Variants in LIMCH1 observed in about 807,000 individuals in gnomAD.
The protein encoded by LIMCH1 is LIM and calponin homology domains-containing protein 1.
LIMCH1 carries 113 observed loss-of-function variants against 176.5 expected under a neutral mutation model. That is an observed-to-expected ratio of 0.64 (90% CI 0.55 to 0.75). The LOEUF is 0.75. Among genes scored for constraint, LIMCH1 ranks in the 30% least tolerant of loss-of-function variants. The pLI, the probability that LIMCH1 is intolerant of heterozygous loss-of-function variation, is 0.00. For missense variants in LIMCH1, 1,674 were observed against 1,814.9 expected, an observed-to-expected ratio of 0.92 and a Z score of 1.41; for synonymous variants, 619 against 645.9, an observed-to-expected ratio of 0.96 and a Z score of 0.63.
upstream of LIMCH1, chr4:41,360,695 C>A: frequency 2.4e-6 from 1 of 412,246 alleles, no homozygotes; most frequent in Non-Finnish European, 4.0e-6. The surrounding 1 kb of genome is among the most constrained non-coding windows in gnomAD (Gnocchi z 4.5). Flanking sequence ...CAGCGCGCGG[C>A]TCTCCCGGGA....
intron 1 of LIMCH1, among the ~76,000 whole-genome samples, chr4:41,475,110 T>A (rs1417422607): frequency 6.6e-6 from 1 of 152,212 alleles, no homozygotes; most frequent in Non-Finnish European, 1.5e-5. Flanking sequence ...TTGCTTTTGT[T>A]TTCTATTGCC....
intron 1 of LIMCH1, among the ~76,000 whole-genome samples, chr4:41,439,994 C>T (rs2062533524): frequency 6.6e-6 from 1 of 152,188 alleles, no homozygotes; most frequent in South Asian, 2.1e-4. Context: ...ATTTGTTCTG[C>T]TTCCTTACTG....
intron 1 of LIMCH1, among the ~76,000 whole-genome samples, chr4:41,459,880 A>G (rs984484801): frequency 3.3e-5 from 5 of 152,098 alleles, no homozygotes; most frequent in Admixed American, 3.3e-4. Context: ...TAGAGCATGG[A>G]GGAGAAATGA....
At position 41,549,805 on chromosome 4, in the gene LIMCH1, A is replaced by G. The variant is rs558713820; in HGVS notation, c.-241+11455A>G. ...TAAATTTTTTAAGCATATAAGATAG[A>G]AATTTTGCTAGATTTACTTGAAGAA... is the stretch of plus-strand genomic sequence containing the variant. On this transcript the variant is annotated intron_variant, in intron 1 of 31. Coordinates refer to ENST00000503057, the MANE Select transcript of LIMCH1 (RefSeq NM_001330672.2). Among the ~76,000 whole-genome samples the G allele has an allele frequency of 4.7e-4, 72 of 152,230 alleles. 1 individual carries two copies. In the South Asian group the frequency reaches 0.013, roughly 29 times the overall value.
chr4:41,631,192 A>G lies in LIMCH1; in HGVS notation c.1316A>G (p.Glu439Gly), dbSNP rs1453525915. 9 of 1,535,896 alleles carry G rather than the reference A, an allele frequency of 5.9e-6. No individual in the cohort carries two copies. The highest frequency in any genetic ancestry group is 7.8e-6 in the Non-Finnish European group (9 of 1,146,872). ...QHICASEPSP[E>G]IKAETAIRDD... ...ATCTGTGCTTCTGAGCCTTCCCCAG[A>G]AATTAAAGCAGAAACTGCCATTCGT... The change falls in exon 10 of 32, where the codon GAA becomes GGA. Residue 439 changes from glutamate (E) to glycine (G), a missense_variant. Transcript: ENST00000503057.
chr4:41,613,155 C>G (rs900144398), intron 4 of LIMCH1: 36 of 1,393,434 alleles, frequency 2.6e-5, no homozygotes, highest in Non-Finnish European at 3.5e-5. Context: ...GTTGTGAATC[C>G]AAACTTTGTG....
chr4:41,397,664 A>G (rs961551221), intron 1 of LIMCH1, among the ~76,000 whole-genome samples: 1 of 152,172 alleles, frequency 6.6e-6, no homozygotes, highest in Non-Finnish European at 1.5e-5. Context: ...TACAGAAAAA[A>G]AAAACAAGGT....
intron 1 of LIMCH1, among the ~76,000 whole-genome samples, chr4:41,486,737 G>A (rs1319621537): frequency 6.6e-6 from 1 of 152,032 alleles, no homozygotes; most frequent in African/African-American, 2.4e-5. Context: ...AGTTCTTAGA[G>A]GGGATGGGAG....
At chr4:41,555,320 C>T (rs564453096) in intron 1 of LIMCH1, among the ~76,000 whole-genome samples, 7 of 152,266 alleles carry the variant, frequency 4.6e-5, no homozygotes, top group South Asian at 4.2e-4. Context: ...AAAGAGCATG[C>T]GGTGAATACT....
At chr4:41,385,497 G>A (rs1042533511) in intron 1 of LIMCH1, among the ~76,000 whole-genome samples, 2 of 152,076 alleles carry the variant, frequency 1.3e-5, no homozygotes, top group Admixed American at 6.5e-5. Flanking sequence ...GGTGATTTTT[G>A]GAGGGATATC....
intron 14 of LIMCH1, among the ~76,000 whole-genome samples, chr4:41,642,231 G>A (rs78304486): frequency 0.03 from 4,541 of 152,226 alleles, 78 homozygotes; most frequent in South Asian, 0.048. Flanking sequence ...GCTCAGAGAG[G>A]TTTAAGTCTT....
At chr4:41,463,738 T>C (rs2065720572) in intron 1 of LIMCH1, among the ~76,000 whole-genome samples, 1 of 151,864 alleles carries the variant, frequency 6.6e-6, no homozygotes, top group Non-Finnish European at 1.5e-5. Flanking sequence ...CTACCATGTG[T>C]GGCTAATTTT....
At chr4:41,432,133 T>C (rs2061659052) in intron 1 of LIMCH1, among the ~76,000 whole-genome samples, 1 of 152,202 alleles carries the variant, frequency 6.6e-6, no homozygotes, top group Non-Finnish European at 1.5e-5. Context: ...TCAAAATTGC[T>C]GTTTTTCCCC....
chr4:41,390,265 A>AGAGAGC (rs1554024838), intron 1 of LIMCH1, among the ~76,000 whole-genome samples: 6 of 151,274 alleles, frequency 4.0e-5, no homozygotes, highest in African/African-American at 1.5e-4. Flanking sequence ...AGAGAGAGAG[A>AGAGAGC]GAGAGAGAGC....
chr4:41,617,448 G>C (rs1452393695), intron 5 of LIMCH1, among the ~76,000 whole-genome samples: 6 of 152,106 alleles, frequency 3.9e-5, no homozygotes, highest in Non-Finnish European at 5.9e-5. Flanking sequence ...ACAAATTTAA[G>C]AGTTTAGCAA....
chr4:41,424,443 C>T (rs548738207), intron 1 of LIMCH1, among the ~76,000 whole-genome samples: 201 of 152,270 alleles, frequency 1.3e-3, no homozygotes, highest in Non-Finnish European at 1.9e-3. Context: ...CTTACAAACC[C>T]GTGGACCCTT....
chr4:41,659,727 T>C (rs1457094134), intron 18 of LIMCH1, among the ~76,000 whole-genome samples: 3 of 152,202 alleles, frequency 2.0e-5, no homozygotes, highest in South Asian at 2.1e-4. Context: ...AATTTAACTT[T>C]AGCTTTTTAC....
At chr4:41,493,980 G>C (rs1392669991) in intron 1 of LIMCH1, among the ~76,000 whole-genome samples, 1 of 152,180 alleles carries the variant, frequency 6.6e-6, no homozygotes, top group Non-Finnish European at 1.5e-5. Context: ...GGAGGTTTCA[G>C]TAAATAAGGA....
intron 14 of LIMCH1, among the ~76,000 whole-genome samples, chr4:41,639,247 T>G (rs1163426283): frequency 1.3e-5 from 2 of 152,200 alleles, no homozygotes; most frequent in Non-Finnish European, 2.9e-5. Context: ...CTTGTTATGG[T>G]CTGAACATTG....
Sources: allele counts gnomAD v4.1 joint callset (sites outside exome capture counted in the v4.1 genomes callset), GRCh38; gene constraint gnomAD v4.1.1; non-coding constraint Gnocchi (gnomAD v3.1); transcripts MANE v1.5; gene names NCBI Gene and HGNC (gene_info 2026-07-23, HGNC 2026-07-21).